TENT2: variants seen among roughly 807,000 people sequenced by gnomAD.
The protein encoded by TENT2 is terminal nucleotidyltransferase 2.
Under a neutral mutation model 72.2 loss-of-function variants are expected in TENT2, and 44 were observed. That is an observed-to-expected ratio of 0.61 (90% CI 0.48 to 0.78). The LOEUF is 0.78. Among genes scored for constraint, TENT2 ranks in the 30% least tolerant of loss-of-function variants. The pLI, the probability that TENT2 is intolerant of heterozygous loss-of-function variation, is 0.00. For synonymous variants in TENT2, 212 were observed against 192.5 expected, an observed-to-expected ratio of 1.10 and a Z score of -0.84; for missense variants, 541 against 569.6, an observed-to-expected ratio of 0.95 and a Z score of 0.51.
In TENT2 at chr5:79,683,515, C is replaced by CAAAT. The variant is rs1199293952; in HGVS notation, c.1380+1468_1380+1471dup. Reference sequence around the variant, plus strand: ...TGAGTAATAGAGTGATACCTTGTTTCAAATAAATAAATAAATAGATAAAAT... The same window carrying CAAAT: ...TGAGTAATAGAGTGATACCTTGTTTCAAATAAATAAATAAATAAATAGATAAAAT... On this transcript the variant is annotated intron_variant, in intron 14 of 14. Coordinates refer to ENST00000453514, the MANE Select transcript of TENT2 (RefSeq NM_001114394.3). Among the ~76,000 whole-genome samples the CAAAT allele has an allele frequency of 5.8e-4, 88 of 151,986 alleles. 1 individual carries two copies. Among genetic ancestry groups the CAAAT allele is most frequent in the African/African-American group, 1.9e-3 (80 of 41,476 alleles).
chr5:79,637,284 A>G (rs1200720302), intron 4 of TENT2, among the ~76,000 whole-genome samples: 1 of 152,000 alleles, frequency 6.6e-6, no homozygotes, highest in Non-Finnish European at 1.5e-5. Context: ...AATACTTTGT[A>G]TGGGAATTGA....
At chr5:79,624,415 T>C (rs1364999783) in intron 4 of TENT2, among the ~76,000 whole-genome samples, 1 of 152,240 alleles carries the variant, frequency 6.6e-6, no homozygotes, top group African/African-American at 2.4e-5. Flanking sequence ...CTTTTGTTCT[T>C]TAATTTTTTA....
chr5:79,684,940 C>T (rs1184017564), intron 14 of TENT2, among the ~76,000 whole-genome samples: 2 of 152,152 alleles, frequency 1.3e-5, no homozygotes, highest in Non-Finnish European at 2.9e-5. Context: ...CGCCTGTAGT[C>T]CCAGCTACTC....
At chr5:79,659,553 A>AAATATAT (rs1554086793) in intron 11 of TENT2, among the ~76,000 whole-genome samples, 1 of 26,858 alleles carries the variant, frequency 3.7e-5, no homozygotes, top group Non-Finnish European at 5.6e-5. Flanking sequence ...AAAAAAAAAA[A>AAATATAT]ATGTATATAT....
intron 11 of TENT2, among the ~76,000 whole-genome samples, chr5:79,659,276 T>G (rs774711301): frequency 2.0e-5 from 3 of 151,716 alleles, no homozygotes; most frequent in Non-Finnish European, 2.9e-5. Context: ...GGCTCACGCC[T>G]GTAATCCCAG....
chr5:79,619,659 AC>A lies in TENT2; in HGVS notation c.12del (p.Ser5GlnfsTer32), dbSNP rs1323575839. The part of the protein sequence containing the change: MFP[N>X]SILGRPPFTP... ...CCAGTGAACAAGAGCATGTTCCCAA[AC>A]TCAATTTTGGGTCGCCCACCCTTCA... On this transcript the variant is annotated frameshift_variant, in exon 2 of 15. Coordinates refer to ENST00000453514, the MANE Select transcript of TENT2 (RefSeq NM_001114394.3). LOFTEE classifies it high-confidence loss of function. The A allele has an allele frequency of 6.2e-7, 1 of 1,613,464 alleles. No individual in the cohort carries two copies.
At chr5:79,651,294 C>T (rs1231654176) in intron 10 of TENT2, among the ~76,000 whole-genome samples, 1 of 151,480 alleles carries the variant, frequency 6.6e-6, no homozygotes, top group Admixed American at 6.6e-5. Flanking sequence ...GTTCTTTTTT[C>T]CTCTACAAAA....
chr5:79,642,620 A>G (rs1312314656), intron 6 of TENT2, among the ~76,000 whole-genome samples: 1 of 152,088 alleles, frequency 6.6e-6, no homozygotes, highest in Non-Finnish European at 1.5e-5. Flanking sequence ...AAAATCAGGA[A>G]TTGATTTAGA....
chr5:79,681,274 C>T (rs562872872), intron 13 of TENT2, among the ~76,000 whole-genome samples: 1 of 150,512 alleles, frequency 6.6e-6, no homozygotes, highest in African/African-American at 2.4e-5. Flanking sequence ...ATTCCCCTGC[C>T]TCAGCCTCCC....
At chr5:79,680,174 A>G (rs1404766292) in intron 13 of TENT2, among the ~76,000 whole-genome samples, 1 of 152,168 alleles carries the variant, frequency 6.6e-6, no homozygotes, top group African/African-American at 2.4e-5. Flanking sequence ...CAAGGGACAA[A>G]ATTATTCTCA....
chr5:79,658,850 G>C (rs899736382), intron 11 of TENT2, among the ~76,000 whole-genome samples: 4 of 142,638 alleles, frequency 2.8e-5, no homozygotes, highest in Non-Finnish European at 5.9e-5. Context: ...TCTGTGTTCT[G>C]TTTTTCTTAT....
intron 4 of TENT2, among the ~76,000 whole-genome samples, chr5:79,635,861 A>G (rs928475748): frequency 2.6e-5 from 4 of 152,206 alleles, no homozygotes; most frequent in Middle Eastern, 3.4e-3. Flanking sequence ...CAGCCAAGAA[A>G]TTTATTTTGC....
chr5:79,613,079 C>T lies in TENT2; in HGVS notation c.-38+4C>T, dbSNP rs931732682. The stretch of plus-strand genomic sequence containing the variant: ...CAAAGGGTGGTGAAGAACTAAGGTA[C>T]GTAGCTGGATTAATTAAAAAATTTA... On this transcript the variant is annotated splice_donor_region_variant and intron_variant, in intron 1 of 14. Transcript: ENST00000453514. The T allele has an allele frequency of 1.3e-5, 2 of 152,088 alleles. No individual in the cohort carries two copies. Among genetic ancestry groups the T allele is most frequent in the East Asian group, 1.9e-4 (1 of 5,194 alleles). The allele number at this position is 152,088 out of a possible 1,614,324, so 9.4% of individuals were successfully genotyped here.
At chr5:79,635,454 C>CA (rs11462834) in intron 4 of TENT2, among the ~76,000 whole-genome samples, 152,358 of 152,358 alleles carry the variant, frequency 1, 76,179 homozygotes, top group Non-Finnish European at 1. Context: ...TCATATTTTC[C>CA]AGTCATTGTA....
rs538422162 is a variant in TENT2, at chr5:79,627,796, C to G, written c.465+4307C>G. Among the ~76,000 whole-genome samples the G allele has an allele frequency of 3.3e-5, 5 of 152,228 alleles. No homozygotes were observed. In the South Asian group the frequency reaches 6.2e-4, roughly 19 times the overall value. On this transcript the variant is annotated intron_variant, in intron 4 of 14. Coordinates refer to ENST00000453514, the MANE Select transcript of TENT2 (RefSeq NM_001114394.3). ...CACCACGCCTGGCTGGAACCAATTT[C>G]TTTGAGTGCCACTCTCTACCTGCCA...
intron 11 of TENT2, among the ~76,000 whole-genome samples, chr5:79,668,230 C>T (rs1036169815): frequency 1.3e-5 from 2 of 151,948 alleles, no homozygotes; most frequent in African/African-American, 4.8e-5. Context: ...CAAATAATAT[C>T]CTCTTTTATA....
intron 6 of TENT2, 35 bp from the exon 7 acceptor site, chr5:79,642,797 G>T: frequency 6.6e-7 from 1 of 1,513,176 alleles, no homozygotes; most frequent in Non-Finnish European, 9.1e-7. Flanking sequence ...AACTTAGAAA[G>T]ATAATGAAAA....
intron 10 of TENT2, among the ~76,000 whole-genome samples, chr5:79,656,104 A>T (rs1049761686): frequency 6.6e-6 from 1 of 151,880 alleles, no homozygotes; most frequent in African/African-American, 2.4e-5. Flanking sequence ...CTAATTCTTA[A>T]ATTTGAAAAT....
chr5:79,631,683 T>G (rs1471499909), intron 4 of TENT2, among the ~76,000 whole-genome samples: 2 of 152,132 alleles, frequency 1.3e-5, no homozygotes, highest in Non-Finnish European at 2.9e-5. Flanking sequence ...TAGGACAGGC[T>G]TTTTTTGGTA....
Sources: gnomAD v4.1 joint callset for allele counts (sites outside exome capture counted in the v4.1 genomes callset) on GRCh38, gnomAD v4.1.1 for gene constraint, MANE v1.5 for transcripts, NCBI Gene and HGNC (gene_info 2026-07-23, HGNC 2026-07-21) for gene names.